The following PLD1 variants were observed in gnomAD, a reference collection of about 807,000 sequenced individuals.
PLD1 encodes the protein choline phosphatase 1.
PLD1 carries 112 observed loss-of-function variants against 137.1 expected under a neutral mutation model. That is an observed-to-expected ratio of 0.82 (90% CI 0.70 to 0.96). The LOEUF (loss-of-function observed/expected upper bound fraction) is 0.96, where lower values mean the gene tolerates loss of function less well. Ranked by LOEUF, PLD1 falls within the 40% of genes least tolerant of loss-of-function variation. The pLI is 0.00. For missense variants in PLD1, 1,321 were observed against 1,342.0 expected (o/e 0.98, Z 0.24); for synonymous variants, 431 against 454.7 (o/e 0.95, Z 0.66).
intron 8 of PLD1, among the ~76,000 whole-genome samples, chr3:171,717,717 T>C (rs1421276642): frequency 6.6e-6 from 1 of 152,230 alleles, no homozygotes; most frequent in African/African-American, 2.4e-5. Context: ...ATGCCTTTTA[T>C]TTCTTTCTCT....
rs1731829285 is a variant in PLD1, at chr3:171,601,523, C to G, written c.*1555G>C. The G allele has an allele frequency of 7.0e-6, 1 of 143,372 alleles. No individual in the cohort carries two copies. The highest frequency in any genetic ancestry group is 6.7e-5 in the Admixed American group (1 of 14,890). The allele number at this position is 143,372 out of a possible 1,614,324, so 8.9% of individuals were successfully genotyped here. A position where few individuals can be genotyped will look rare whatever the true frequency, so the allele number is the denominator to read the frequency against. On this transcript the variant is annotated 3_prime_UTR_variant, in exon 27 of 27. Transcript: ENST00000351298. ...AAACATTCATTTTTATTATTGGTTA[C>G]AAAATCTCACCTTATTTGTGAAATG...
At chr3:171,791,329 G>C (rs1723202897) in intron 1 of PLD1, among the ~76,000 whole-genome samples, 1 of 152,084 alleles carries the variant, frequency 6.6e-6, no homozygotes, top group Non-Finnish European at 1.5e-5. Flanking sequence ...CACATGTCTG[G>C]GGTATATTTT....
chr3:171,726,225 G>T (rs1280923768), intron 6 of PLD1, 149 bp from the exon 7 acceptor site: 1 of 620,640 alleles, frequency 1.6e-6, no homozygotes, highest in African/African-American at 1.8e-5. Flanking sequence ...TGCACTAAAA[G>T]AGTGCAGATT....
intron 16 of PLD1, among the ~76,000 whole-genome samples, chr3:171,686,123 CAAAAA>C (rs370165481): frequency 1.3e-5 from 1 of 74,384 alleles, no homozygotes; most frequent in African/African-American, 5.3e-5. Flanking sequence ...GACTCTATCT[CAAAAA>C]AAAAAAAAAA....
chr3:171,770,377 A>G (rs992790266), intron 1 of PLD1, among the ~76,000 whole-genome samples: 2 of 152,354 alleles, frequency 1.3e-5, no homozygotes, highest in Admixed American at 6.5e-5. Context: ...AGAAAAATTA[A>G]AATGATATTC....
At chr3:171,753,372 G>A (rs377508376) in intron 1 of PLD1, among the ~76,000 whole-genome samples, 13 of 152,312 alleles carry the variant, frequency 8.5e-5, no homozygotes, top group Admixed American at 5.2e-4. Context: ...AAACTTTGAC[G>A]AACTGGAAAG....
At chr3:171,651,426 C>A (rs1736759732) in intron 21 of PLD1, among the ~76,000 whole-genome samples, 1 of 151,988 alleles carries the variant, frequency 6.6e-6, no homozygotes, top group African/African-American at 2.4e-5. Flanking sequence ...TGGGACATAA[C>A]CCCTTTTATT....
rs1349252834 is a variant in PLD1, at chr3:171,745,759, C to T, written c.-31-7677G>A. Among the ~76,000 whole-genome samples the T allele has an allele frequency of 2.0e-5, 3 of 152,188 alleles. No homozygotes were observed. In the East Asian group the frequency reaches 5.8e-4, roughly 29 times the overall value. ...TAGCAGTCCTCACTCGCTCTTGGCA[C>T]CTCCTCAGGCCATGGCGTCCACGCT... is the stretch of plus-strand genomic sequence containing the variant. On this transcript the variant is annotated intron_variant, in intron 1 of 26. Transcript: ENST00000351298.
At chr3:171,739,686 G>T (rs1719632217) in intron 1 of PLD1, among the ~76,000 whole-genome samples, 2 of 152,118 alleles carry the variant, frequency 1.3e-5, no homozygotes, top group South Asian at 4.1e-4. Context: ...TCTATTTTGA[G>T]CATGACAGGA....
intron 13 of PLD1, among the ~76,000 whole-genome samples, chr3:171,691,656 G>C (rs1318856180): frequency 6.6e-6 from 1 of 151,936 alleles, no homozygotes; most frequent in Non-Finnish European, 1.5e-5. Context: ...ATAGAAATTT[G>C]GTGAATGAAT....
At chr3:171,648,528 G>A (rs1017128209) in intron 21 of PLD1, among the ~76,000 whole-genome samples, 2 of 151,340 alleles carry the variant, frequency 1.3e-5, no homozygotes, top group Non-Finnish European at 2.9e-5. Context: ...AGGGTATCTT[G>A]GAAATCCTTC....
intron 1 of PLD1, among the ~76,000 whole-genome samples, chr3:171,802,490 G>A (rs891996348): frequency 6.6e-6 from 1 of 152,188 alleles, no homozygotes; most frequent in African/African-American, 2.4e-5. Flanking sequence ...AAAGACTTAG[G>A]AGAAGTGTGC....
intron 24 of PLD1, among the ~76,000 whole-genome samples, chr3:171,619,939 T>C (rs909313468): frequency 6.6e-6 from 1 of 151,666 alleles, no homozygotes; most frequent in Non-Finnish European, 1.5e-5. Flanking sequence ...AAAAAGGGAG[T>C]AATAAAGAAT....
chr3:171,674,624 GA>G lies in PLD1; in HGVS notation c.2116-12del. 1 of 1,344,784 alleles carries G rather than the reference GA, an allele frequency of 7.4e-7. No individual in the cohort carries two copies. Among genetic ancestry groups the G allele is most frequent in the Non-Finnish European group, 1.1e-6 (1 of 943,472 alleles). 83.3% of individuals were successfully genotyped at this position (1,344,784 alleles called of 1,614,324 possible). ...TTTTGATTTCATAATCTAAAATAAAGAAAAAGGATAAAATATTCAAATGAGA... is the reference window on the plus strand; with the variant it reads ...TTTTGATTTCATAATCTAAAATAAAGAAAAGGATAAAATATTCAAATGAGA... On this transcript the variant is annotated splice_polypyrimidine_tract_variant and intron_variant, in intron 18 of 26. Transcript: ENST00000351298.
intron 1 of PLD1, among the ~76,000 whole-genome samples, chr3:171,785,249 A>G (rs1483685090): frequency 1.3e-5 from 2 of 152,242 alleles, no homozygotes; most frequent in East Asian, 3.8e-4. Flanking sequence ...ATGAGTTACA[A>G]AAGTGAGCCA....
chr3:171,720,755 AT>A (rs1206685655), intron 8 of PLD1, among the ~76,000 whole-genome samples: 1 of 152,214 alleles, frequency 6.6e-6, no homozygotes, highest in African/African-American at 2.4e-5. Flanking sequence ...GTGATGACAC[AT>A]TTCATTCCAG....
intron 11 of PLD1, among the ~76,000 whole-genome samples, chr3:171,702,487 C>CA (rs1404381195): frequency 4.9e-4 from 62 of 126,480 alleles, no homozygotes; most frequent in Admixed American, 9.6e-4. Flanking sequence ...GACCCTGTCT[C>CA]AAAAAAAAAA....
At chr3:171,707,307 A>T (rs2108559221) in intron 11 of PLD1, among the ~76,000 whole-genome samples, 1 of 152,352 alleles carries the variant, frequency 6.6e-6, no homozygotes, top group African/African-American at 2.4e-5. Context: ...TGAATTTAAA[A>T]GTTAAAAAAA....
At chr3:171,610,769 G>C (rs1331371597) in intron 25 of PLD1, among the ~76,000 whole-genome samples, 1 of 152,214 alleles carries the variant, frequency 6.6e-6, no homozygotes, top group Non-Finnish European at 1.5e-5. Flanking sequence ...ATTACCATTA[G>C]AAGCTAATTG....
Sources: allele counts gnomAD v4.1 joint callset (sites outside exome capture counted in the v4.1 genomes callset), GRCh38; gene constraint gnomAD v4.1.1; transcripts MANE v1.5; gene names NCBI Gene and HGNC (gene_info 2026-07-23, HGNC 2026-07-21).